Variants in SOS1 observed in about 807,000 individuals in gnomAD.
SOS1 encodes the protein SOS Ras/Rac guanine nucleotide exchange factor 1, also known as son of sevenless homolog 1.
A neutral mutation model predicts 157.6 loss-of-function variants in SOS1; 25 were observed. The ratio of observed to expected loss-of-function variants is 0.16; its 90% CI spans 0.12 to 0.22. The LOEUF (loss-of-function observed/expected upper bound fraction) is 0.22. Among genes scored for constraint, SOS1 ranks in the 10% least tolerant of loss-of-function variants. The probability of loss-of-function intolerance (pLI) is 1.00; values close to 1 mark genes in which losing one functional copy is unlikely to be tolerated. For missense variants in SOS1, 1,237 were observed against 1,599.1 expected, an observed-to-expected ratio of 0.77 and a Z score of 3.86; for synonymous variants, 528 against 534.0, an observed-to-expected ratio of 0.99 and a Z score of 0.16.
intron 1 of SOS1, among the ~76,000 whole-genome samples, chr2:39,077,225 C>G (rs527761661): frequency 6.6e-6 from 1 of 151,514 alleles, no homozygotes; most frequent in East Asian, 1.9e-4. Context: ...CATCTGTAAT[C>G]TTAGCTACTT....
intron 17 of SOS1, among the ~76,000 whole-genome samples, chr2:38,998,193 C>A (rs543398225): frequency 6.6e-5 from 10 of 152,026 alleles, no homozygotes; most frequent in Non-Finnish European, 1.5e-4. Flanking sequence ...AGCATAAAGG[C>A]TCTGGAACCA....
intron 6 of SOS1, among the ~76,000 whole-genome samples, chr2:39,036,833 C>G (rs925294670): frequency 1.3e-5 from 2 of 152,096 alleles, no homozygotes; most frequent in African/African-American, 4.8e-5. Flanking sequence ...CCTCGGCCTC[C>G]CAAAGTGCTA....
intron 6 of SOS1, among the ~76,000 whole-genome samples, chr2:39,049,166 C>G (rs954996342): frequency 3.9e-5 from 6 of 152,206 alleles, no homozygotes; most frequent in African/African-American, 1.4e-4. Context: ...GATCTGCCCG[C>G]TTCGGCCTCC....
At chr2:39,115,771 A>G (rs2148234061) in intron 1 of SOS1, among the ~76,000 whole-genome samples, 1 of 152,038 alleles carries the variant, frequency 6.6e-6, no homozygotes, top group South Asian at 2.1e-4. Flanking sequence ...GTAGTATTCC[A>G]CTGTTTGTAT....
intron 6 of SOS1, among the ~76,000 whole-genome samples, chr2:39,050,605 T>C (rs151130034): frequency 7.9e-5 from 12 of 152,348 alleles, no homozygotes; most frequent in African/African-American, 2.6e-4. Context: ...AAATCTGAAA[T>C]GCTCCAATGA....
chr2:39,071,385 GA>G (rs1671788569), intron 1 of SOS1, among the ~76,000 whole-genome samples: 1 of 152,082 alleles, frequency 6.6e-6, no homozygotes, highest in African/African-American at 2.4e-5. Flanking sequence ...AACTTGGCTT[GA>G]AGTATGTTGT....
rs56360279 is a variant in SOS1 at position 39,120,546 on chromosome 2, G to C, written c.-124C>G. ...CCCACCGGACGGCCCGGCCCCCTCC[G>C]GGCGCCGCGCAGCCGGGCTAGCCCT... On this transcript the variant is annotated 5_prime_UTR_variant, in exon 1 of 23. Coordinates refer to ENST00000402219, the MANE Select transcript of SOS1 (RefSeq NM_005633.4). 2.8e-6 allele frequency: 3 copies of C among 1,067,366 alleles called. No individual in the cohort carries two copies. Among genetic ancestry groups the C allele is most frequent in the Non-Finnish European group, 3.4e-6 (3 of 882,194 alleles). The allele number at this position is 1,067,366 out of a possible 1,614,324, so 66.1% of individuals were successfully genotyped here.
intron 20 of SOS1, chr2:38,993,608 G>A (rs1171005276): frequency 6.6e-6 from 1 of 152,158 alleles, no homozygotes; most frequent in South Asian, 2.1e-4. Context: ...TTTTTAGTTA[G>A]ATTTCTTCCA....
intron 10 of SOS1, among the ~76,000 whole-genome samples, chr2:39,019,400 T>C (rs1385527389): frequency 6.6e-6 from 1 of 151,776 alleles, no homozygotes; most frequent in Non-Finnish European, 1.5e-5. Flanking sequence ...TCTCAACTTT[T>C]TATTTGTGCA....
At position 38,982,317 on chromosome 2, in the gene SOS1, G is replaced by C. The variant is rs1668424910; in HGVS notation, c.*3507C>G. ...ATATAGACTTCATGCTTCTTAAGTAGAGCTCAAAATATTTCATTGGCTCAT... is the reference window on the plus strand; with the variant it reads ...ATATAGACTTCATGCTTCTTAAGTACAGCTCAAAATATTTCATTGGCTCAT... On this transcript the variant is annotated 3_prime_UTR_variant, in exon 23 of 23. Coordinates refer to ENST00000402219, the MANE Select transcript of SOS1 (RefSeq NM_005633.4). 6.6e-6 allele frequency: 1 copy of C among 152,110 alleles called. No homozygotes were observed. Among genetic ancestry groups the C allele is most frequent in the Non-Finnish European group, 1.5e-5 (1 of 68,014 alleles). The allele number at this position is 152,110 out of a possible 1,614,324, so 9.4% of individuals were successfully genotyped here. A position where few individuals can be genotyped will look rare whatever the true frequency, so the allele number is the denominator to read the frequency against.
intron 6 of SOS1, among the ~76,000 whole-genome samples, chr2:39,036,230 G>C (rs950507058): frequency 6.6e-6 from 1 of 151,998 alleles, no homozygotes; most frequent in Non-Finnish European, 1.5e-5. Context: ...TTTCCATAAA[G>C]GGTAATTCTA....
intron 5 of SOS1, among the ~76,000 whole-genome samples, chr2:39,052,437 G>C (rs945153689): frequency 6.6e-6 from 1 of 152,076 alleles, no homozygotes; most frequent in Non-Finnish European, 1.5e-5. Flanking sequence ...ATCGTCTTAA[G>C]AAGTTTCTTT....
intron 22 of SOS1, 139 bp from the exon 23 acceptor site, chr2:38,986,454 CTT>C: frequency 1.2e-6 from 1 of 858,686 alleles, no homozygotes; most frequent in South Asian, 1.9e-5. Flanking sequence ...CATATGTTTT[CTT>C]TTTAATTAAA....
At chr2:39,061,590 T>C (rs1671407251) in intron 2 of SOS1, among the ~76,000 whole-genome samples, 1 of 152,116 alleles carries the variant, frequency 6.6e-6, no homozygotes. Context: ...TCCTGCTATG[T>C]TGCCCAGGCT....
intron 17 of SOS1, among the ~76,000 whole-genome samples, chr2:39,003,943 A>G (rs914811426): frequency 3.3e-5 from 5 of 152,186 alleles, no homozygotes; most frequent in African/African-American, 1.2e-4. Flanking sequence ...TCTACCCACT[A>G]GATGCCTGTA....
At chr2:39,123,298 T>C (rs750381927), upstream of SOS1, among the ~76,000 whole-genome samples, 10 of 152,164 alleles carry the variant, frequency 6.6e-5, no homozygotes, top group Non-Finnish European at 1.5e-4. Flanking sequence ...TTTTGGTTGT[T>C]GGTTTCCCTC....
At chr2:38,992,569 T>C (rs981980519) in intron 20 of SOS1, 1 of 152,252 alleles carries the variant, frequency 6.6e-6, no homozygotes, top group Non-Finnish European at 1.5e-5. Context: ...TAGCTAGTCA[T>C]TTAAAGATTC....
chr2:39,060,584 C>A (rs1362254933), intron 2 of SOS1, among the ~76,000 whole-genome samples: 1 of 152,118 alleles, frequency 6.6e-6, no homozygotes, highest in Non-Finnish European at 1.5e-5. Context: ...TGCTACCATG[C>A]CCAGCTAATT....
At chr2:39,088,814 G>C (rs1418082717) in intron 1 of SOS1, among the ~76,000 whole-genome samples, 1 of 151,946 alleles carries the variant, frequency 6.6e-6, no homozygotes, top group Non-Finnish European at 1.5e-5. Context: ...TCAAATCCCT[G>C]CTTTCAATAG....
Sources: gnomAD v4.1 joint callset for allele counts (sites outside exome capture counted in the v4.1 genomes callset) on GRCh38, gnomAD v4.1.1 for gene constraint, MANE v1.5 for transcripts, NCBI Gene and HGNC (gene_info 2026-07-23, HGNC 2026-07-21) for gene names.